TNR: variants seen among roughly 807,000 people sequenced by gnomAD.
TNR encodes tenascin-R.
Under a neutral mutation model 150.4 loss-of-function variants are expected in TNR, and 45 were observed. The ratio of observed to expected loss-of-function variants is 0.30; its 90% CI spans 0.24 to 0.38. TNR has a LOEUF of 0.38. Ranked by LOEUF, TNR falls within the 10% of genes least tolerant of loss-of-function variation. TNR has a pLI of 1.00. For missense variants in TNR, 1,544 were observed against 1,759.1 expected (o/e 0.88, Z 2.19); for synonymous variants, 687 against 678.4 (o/e 1.01, Z -0.20).
intron 1 of TNR, among the ~76,000 whole-genome samples, chr1:175,685,123 T>G (rs1666150437): frequency 6.6e-6 from 1 of 152,226 alleles, no homozygotes; most frequent in Non-Finnish European, 1.5e-5. Flanking sequence ...CCTGGAATTC[T>G]GGGACCCCTT....
intron 2 of TNR, among the ~76,000 whole-genome samples, chr1:175,499,434 C>T (rs1658635786): frequency 6.6e-6 from 1 of 152,056 alleles, no homozygotes; most frequent in Non-Finnish European, 1.5e-5. Flanking sequence ...CTCCTTGGCC[C>T]ATCCCATTAC....
intron 2 of TNR, among the ~76,000 whole-genome samples, chr1:175,422,485 T>C (rs533481403): frequency 6.6e-6 from 1 of 152,370 alleles, no homozygotes; most frequent in Admixed American, 6.5e-5. Flanking sequence ...TCTGGAATTT[T>C]TCTCTCTGCA....
chr1:175,424,214 C>T (rs1211019643), intron 2 of TNR, among the ~76,000 whole-genome samples: 1 of 152,158 alleles, frequency 6.6e-6, no homozygotes, highest in African/African-American at 2.4e-5. Flanking sequence ...GAAGCACTGC[C>T]CAATGACTGT....
intron 1 of TNR, among the ~76,000 whole-genome samples, chr1:175,586,997 A>G (rs1057328877): frequency 6.6e-6 from 1 of 152,218 alleles, no homozygotes; most frequent in African/African-American, 2.4e-5. Flanking sequence ...AAATAATTTT[A>G]TATATGGCTC....
At chr1:175,485,239 T>C (rs1657961144) in intron 2 of TNR, among the ~76,000 whole-genome samples, 1 of 152,194 alleles carries the variant, frequency 6.6e-6, no homozygotes, top group African/African-American at 2.4e-5. Flanking sequence ...GTGGATTCAC[T>C]GAGTCCACCA....
chr1:175,737,709 C>T (rs959579834), intron 1 of TNR, among the ~76,000 whole-genome samples: 1 of 152,130 alleles, frequency 6.6e-6, no homozygotes, highest in African/African-American at 2.4e-5. Flanking sequence ...GGTAATAAAC[C>T]TTTATTGAGT....
intron 1 of TNR, among the ~76,000 whole-genome samples, chr1:175,565,875 G>A (rs1415479926): frequency 2.0e-5 from 3 of 152,278 alleles, no homozygotes; most frequent in Middle Eastern, 3.4e-3. Context: ...TGTTCATAAG[G>A]TATTTTGGGT....
chr1:175,334,286 G>A (rs1650109757), intron 20 of TNR, among the ~76,000 whole-genome samples: 3 of 152,204 alleles, frequency 2.0e-5, no homozygotes. Context: ...AACCATGGGA[G>A]GAATTTAGTT....
intron 2 of TNR, among the ~76,000 whole-genome samples, chr1:175,439,852 G>A (rs547468854): frequency 2.0e-5 from 3 of 152,240 alleles, no homozygotes; most frequent in African/African-American, 4.8e-5. Context: ...TTAGAATGGT[G>A]ATCATTAAAA....
At chr1:175,509,638 T>A (rs1659089019) in intron 2 of TNR, among the ~76,000 whole-genome samples, 1 of 152,208 alleles carries the variant, frequency 6.6e-6, no homozygotes, top group Admixed American at 6.5e-5. Context: ...GAGGACAGTC[T>A]TCCAGAAAAT....
chr1:175,580,854 A>G (rs546904550), intron 1 of TNR, among the ~76,000 whole-genome samples: 3 of 151,942 alleles, frequency 2.0e-5, no homozygotes, highest in African/African-American at 7.3e-5. Context: ...AAAATTCTCA[A>G]TATTGTCTTT....
At chr1:175,337,821 G>A in intron 18 of TNR, 142 bp from the exon 19 acceptor site, 3 of 922,798 alleles carry the variant, frequency 3.3e-6, no homozygotes, top group Non-Finnish European at 4.8e-6. Flanking sequence ...TCAAGGTGTG[G>A]GTGTGGGGAC....
rs561443491 is a variant in TNR, at chr1:175,374,284, T to A, written c.1963+5268A>T. On this transcript the variant is annotated intron_variant, in intron 9 of 22. Coordinates refer to ENST00000367674, the MANE Select transcript of TNR (RefSeq NM_003285.3). ...AGGAGCCGACCTTCTCACCACTAGA[T>A]CCCCATTTGGGCCAGAAACCTTGAA... Among the ~76,000 whole-genome samples, 12 of 152,148 alleles carry A rather than the reference T, an allele frequency of 7.9e-5. No individual in the cohort carries two copies. The East Asian group carries it at 2.1e-3, about 27-fold the overall frequency.
intron 1 of TNR, among the ~76,000 whole-genome samples, chr1:175,675,482 T>C (rs2101906091): frequency 6.6e-6 from 1 of 152,316 alleles, no homozygotes; most frequent in Admixed American, 6.5e-5. Context: ...GTGTGCAGTG[T>C]ATACATGCTC....
chr1:175,602,939 C>A (rs1234628427), intron 1 of TNR, among the ~76,000 whole-genome samples: 2 of 152,052 alleles, frequency 1.3e-5, no homozygotes, highest in South Asian at 4.1e-4. Flanking sequence ...CTTATTTTTT[C>A]TTTGTCTTCT....
intron 18 of TNR, among the ~76,000 whole-genome samples, chr1:175,345,151 C>T (rs1021612943): frequency 2.0e-5 from 3 of 151,950 alleles, no homozygotes; most frequent in Non-Finnish European, 2.9e-5. Flanking sequence ...AAAAACCCCA[C>T]AAAACCAAAC....
At chr1:175,555,457 G>T (rs1353003066) in intron 1 of TNR, among the ~76,000 whole-genome samples, 2 of 150,898 alleles carry the variant, frequency 1.3e-5, no homozygotes, top group Non-Finnish European at 2.9e-5. Flanking sequence ...TGAATGTGTG[G>T]CTCGCCCACA....
chr1:175,346,765 A>C (rs888294500), intron 18 of TNR, among the ~76,000 whole-genome samples: 3 of 152,062 alleles, frequency 2.0e-5, no homozygotes, highest in Non-Finnish European at 2.9e-5. Flanking sequence ...AAAAACTTAG[A>C]CGTGGTAGTC....
At chr1:175,666,538 G>T (rs1166996728) in intron 1 of TNR, among the ~76,000 whole-genome samples, 1 of 152,188 alleles carries the variant, frequency 6.6e-6, no homozygotes, top group Non-Finnish European at 1.5e-5. Context: ...CTAGAGAGCT[G>T]CCCGGTGCTC....
Sources: gnomAD v4.1 joint callset for allele counts (sites outside exome capture counted in the v4.1 genomes callset) on GRCh38, gnomAD v4.1.1 for gene constraint, MANE v1.5 for transcripts, NCBI Gene and HGNC (gene_info 2026-07-23, HGNC 2026-07-21) for gene names.